The following TCAIM variants were observed in gnomAD, a reference collection of about 807,000 sequenced individuals.
TCAIM encodes T cell activation inhibitor, mitochondrial.
Under a neutral mutation model 58.6 loss-of-function variants are expected in TCAIM, and 36 were observed. That is an observed-to-expected ratio of 0.61 (90% CI 0.47 to 0.81). TCAIM has a LOEUF of 0.81. Among genes scored for constraint, TCAIM ranks in the 30% least tolerant of loss-of-function variants. The pLI is 0.00. For missense variants in TCAIM, 466 were observed against 579.6 expected (o/e 0.80, Z 2.01); for synonymous variants, 172 against 193.6 (o/e 0.89, Z 0.93).
At chr3:44,374,907 T>C (rs1575259587) in intron 5 of TCAIM, among the ~76,000 whole-genome samples, 1 of 152,348 alleles carries the variant, frequency 6.6e-6, no homozygotes, top group East Asian at 1.9e-4. Context: ...TTAACTTTAT[T>C]GTAATTTGGA....
chr3:44,367,778 G>T, intron 5 of TCAIM, 70 bp downstream of exon 5: 2 of 1,377,038 alleles, frequency 1.5e-6, no homozygotes, highest in South Asian at 1.8e-5. Flanking sequence ...TTATTGGGAT[G>T]GCAAAAACAT....
chr3:44,350,847 C>G (rs990409759), intron 1 of TCAIM, among the ~76,000 whole-genome samples: 1 of 152,126 alleles, frequency 6.6e-6, no homozygotes, highest in Non-Finnish European at 1.5e-5. Context: ...GCATATTTTT[C>G]TAGTCTTTTT....
intron 5 of TCAIM, among the ~76,000 whole-genome samples, chr3:44,385,395 T>C (rs1391986628): frequency 6.6e-6 from 1 of 152,132 alleles, no homozygotes; most frequent in Non-Finnish European, 1.5e-5. Flanking sequence ...TTAAATTGTT[T>C]TAAAGAAAAA....
chr3:44,373,950 A>G (rs558321042), intron 5 of TCAIM, among the ~76,000 whole-genome samples: 1 of 152,334 alleles, frequency 6.6e-6, no homozygotes, highest in South Asian at 2.1e-4. Context: ...TGAACTAGAA[A>G]AAGACCATTG....
chr3:44,382,947 A>G (rs1376079652), intron 5 of TCAIM, among the ~76,000 whole-genome samples: 1 of 152,230 alleles, frequency 6.6e-6, no homozygotes, highest in Non-Finnish European at 1.5e-5. Flanking sequence ...CATTTCTCCA[A>G]AGAAGGTATA....
At chr3:44,355,475 GA>G (rs751640619) in intron 2 of TCAIM, among the ~76,000 whole-genome samples, 2 of 152,202 alleles carry the variant, frequency 1.3e-5, no homozygotes, top group African/African-American at 2.4e-5. Flanking sequence ...TTTGAGTAAG[GA>G]ATACAGTGAT....
At chr3:44,364,996 C>T (rs935959762) in intron 4 of TCAIM, among the ~76,000 whole-genome samples, 1 of 152,122 alleles carries the variant, frequency 6.6e-6, no homozygotes, top group Non-Finnish European at 1.5e-5. Flanking sequence ...AGGATATTTG[C>T]AGTGTGGTAC....
At chr3:44,363,613 G>A (rs967602218) in intron 4 of TCAIM, among the ~76,000 whole-genome samples, 1 of 152,142 alleles carries the variant, frequency 6.6e-6, no homozygotes, top group Admixed American at 6.5e-5. Flanking sequence ...TATCTTTTTG[G>A]TGGTTCATGA....
intron 2 of TCAIM, among the ~76,000 whole-genome samples, chr3:44,355,255 A>C (rs1379291618): frequency 2.6e-5 from 4 of 152,066 alleles, no homozygotes; most frequent in Non-Finnish European, 5.9e-5. Flanking sequence ...GTAAAAATGC[A>C]GGTCAGGGAG....
At chr3:44,339,292 G>A (rs115315876) in intron 1 of TCAIM, among the ~76,000 whole-genome samples, 1,721 of 152,234 alleles carry the variant, frequency 0.011, 36 homozygotes, top group African/African-American at 0.039. Context: ...GTACAAGATA[G>A]TCACTAAGGG....
At chr3:44,396,117 A>G (rs1701929125) in intron 6 of TCAIM, among the ~76,000 whole-genome samples, 2 of 152,384 alleles carry the variant, frequency 1.3e-5, no homozygotes, top group East Asian at 1.9e-4. Flanking sequence ...CCATTTCATC[A>G]TCTTATTTTT....
intron 4 of TCAIM, among the ~76,000 whole-genome samples, chr3:44,367,007 C>T (rs947694050): frequency 6.6e-6 from 1 of 152,176 alleles, no homozygotes; most frequent in Admixed American, 6.5e-5. Flanking sequence ...GTTTCTGTGA[C>T]CACTGAGACT....
At chr3:44,372,859 A>G (rs1489883385) in intron 5 of TCAIM, among the ~76,000 whole-genome samples, 1 of 152,080 alleles carries the variant, frequency 6.6e-6, no homozygotes, top group Non-Finnish European at 1.5e-5. Flanking sequence ...CTCCCAAAGC[A>G]CTGGGATTAC....
chr3:44,390,284 A>G (rs933461552), intron 5 of TCAIM, among the ~76,000 whole-genome samples: 3 of 152,204 alleles, frequency 2.0e-5, no homozygotes, highest in Non-Finnish European at 4.4e-5. Flanking sequence ...TAAAGTGAAT[A>G]TTAAGGAACC....
At position 44,357,750 on chromosome 3, in the gene TCAIM, A is replaced by C; in HGVS notation, c.39A>C (p.Leu13=). Residue 13 remains leucine, a synonymous_variant, in exon 3 of 11, where the codon CTA becomes CTC. Transcript: ENST00000342649. ...CHLRPMRRLC[L]EKIFPHWFPF... is the part of the protein sequence containing the mutation. Reference sequence around the variant, plus strand: ...CACATCTTTTTAAAAGGTTATGTCTAGAGAAGATATTTCCACACTGGTTTC... The same window carrying C: ...CACATCTTTTTAAAAGGTTATGTCTCGAGAAGATATTTCCACACTGGTTTC... 1 of 1,614,124 alleles carries C rather than the reference A, an allele frequency of 6.2e-7. No homozygotes were observed. The highest frequency in any genetic ancestry group is 8.5e-7 in the Non-Finnish European group (1 of 1,180,004).
At chr3:44,357,691 G>C in intron 2 of TCAIM, 50 bp from the exon 3 acceptor site, 1 of 1,584,012 alleles carries the variant, frequency 6.3e-7, no homozygotes, top group Non-Finnish European at 8.6e-7. Context: ...TTGAGGATTT[G>C]TGTGTGTGTG....
intron 5 of TCAIM, among the ~76,000 whole-genome samples, chr3:44,392,037 T>C (rs1160469668): frequency 6.6e-6 from 1 of 152,220 alleles, no homozygotes; most frequent in African/African-American, 2.4e-5. Flanking sequence ...CCAGTATAGC[T>C]TACCGAAGGT....
At chr3:44,386,689 G>A (rs546304898) in intron 5 of TCAIM, among the ~76,000 whole-genome samples, 18 of 152,368 alleles carry the variant, frequency 1.2e-4, no homozygotes, top group African/African-American at 2.2e-4. Flanking sequence ...CCAGTGTGGC[G>A]CTGACACACC....
chr3:44,360,605 T>C (rs1479641452), intron 3 of TCAIM, among the ~76,000 whole-genome samples: 1 of 151,784 alleles, frequency 6.6e-6, no homozygotes, highest in African/African-American at 2.4e-5. Flanking sequence ...ATCTTTTTTT[T>C]TTTTTAATTT....
Sources: allele counts gnomAD v4.1 joint callset (sites outside exome capture counted in the v4.1 genomes callset), GRCh38; gene constraint gnomAD v4.1.1; transcripts MANE v1.5; gene names NCBI Gene and HGNC (gene_info 2026-07-23, HGNC 2026-07-21).